The following DLGAP4 variants were observed in gnomAD, a reference collection of about 807,000 sequenced individuals.
DLGAP4 encodes DLG associated protein 4, also known as disks large-associated protein 4.
DLGAP4 carries 18 observed loss-of-function variants against 86.9 expected under a neutral mutation model. That is an observed-to-expected ratio of 0.21 (90% confidence interval 0.14 to 0.31). The LOEUF (loss-of-function observed/expected upper bound fraction) is 0.31, where lower values mean the gene tolerates loss of function less well. Ranked by LOEUF, DLGAP4 falls within the 10% of genes least tolerant of loss-of-function variation. The pLI, the probability that DLGAP4 is intolerant of heterozygous loss-of-function variation, is 1.00. For synonymous variants in DLGAP4, 548 were observed against 574.3 expected (o/e 0.95, Z 0.65); for missense variants, 1,085 against 1,362.6 (o/e 0.80, Z 3.21).
At chr20:36,422,209 T>A (rs2032849918) in intron 2 of DLGAP4, among the ~76,000 whole-genome samples, 1 of 152,138 alleles carries the variant, frequency 6.6e-6, no homozygotes. Context: ...AGGCAGAGAA[T>A]GTGTCCTCCA....
In DLGAP4 at chr20:36,409,961, G is replaced by A. The variant is rs1235249690; in HGVS notation, c.-72-21685G>A. Among the ~76,000 whole-genome samples the A allele has an allele frequency of 2.0e-5, 3 of 150,924 alleles. No individual in the cohort carries two copies. In the South Asian group the frequency reaches 6.3e-4, roughly 32 times the overall value. On this transcript the variant is annotated intron_variant, in intron 2 of 12. Coordinates refer to ENST00000339266, the MANE Select transcript of DLGAP4 (RefSeq NM_001365621.2). ...AGGCAGGAGAATGGCATGAACCCGG[G>A]AGGCGGAGCTTGCAGTGAGCCGAGA... is the stretch of plus-strand genomic sequence containing the variant.
rs2037824203 is a variant in DLGAP4 at position 36,527,206 on chromosome 20, C to T, written c.*175C>T. Reference sequence around the variant, plus strand: ...TTTGGCTTTTTTGGGTCCCTCCCAGCTTTAGGTTATGAAGATTTTACTCAC... The same window carrying T: ...TTTGGCTTTTTTGGGTCCCTCCCAGTTTTAGGTTATGAAGATTTTACTCAC... On this transcript the variant is annotated 3_prime_UTR_variant, in exon 13 of 13. Transcript: ENST00000339266. 3.7e-6 allele frequency: 2 copies of T among 536,734 alleles called. No individual in the cohort carries two copies. The highest frequency in any genetic ancestry group is 7.3e-5 in the Admixed American group (2 of 27,544). The allele number at this position is 536,734 out of a possible 1,614,324, so 33.2% of individuals were successfully genotyped here.
chr20:36,329,713 A>T (rs879967436), intron 1 of DLGAP4, among the ~76,000 whole-genome samples: 4 of 152,144 alleles, frequency 2.6e-5, no homozygotes, highest in Non-Finnish European at 5.9e-5. Flanking sequence ...CCTGGCCAAC[A>T]TGGTGAAACC....
intron 8 of DLGAP4, chr20:36,497,683 C>T (rs1362646429): frequency 3.2e-5 from 31 of 978,294 alleles, no homozygotes; most frequent in African/African-American, 1.8e-5. Flanking sequence ...GGATAGGGTC[C>T]AGGCGATGGT....
intron 1 of DLGAP4, among the ~76,000 whole-genome samples, chr20:36,334,030 G>A (rs2065296488): frequency 6.6e-6 from 1 of 152,330 alleles, no homozygotes; most frequent in Admixed American, 6.5e-5. Flanking sequence ...TGGACAGCAA[G>A]GATGTCGTGT....
At chr20:36,329,121 G>C (rs1298829111) in intron 1 of DLGAP4, among the ~76,000 whole-genome samples, 1 of 152,128 alleles carries the variant, frequency 6.6e-6, no homozygotes, top group Non-Finnish European at 1.5e-5. Context: ...TGTTGGGCAG[G>C]CCGGTCTTGA....
intron 2 of DLGAP4, among the ~76,000 whole-genome samples, chr20:36,411,768 G>GCC (rs1279128172): frequency 2.6e-5 from 4 of 152,118 alleles, no homozygotes; most frequent in Non-Finnish European, 5.9e-5. Context: ...CAAAGCCCAT[G>GCC]CCCACCACAT....
intron 1 of DLGAP4, among the ~76,000 whole-genome samples, chr20:36,314,838 GGT>G (rs1214779804): frequency 7.5e-6 from 1 of 133,646 alleles, no homozygotes; most frequent in Admixed American, 7.4e-5. Context: ...TATGGTGTCT[GGT>G]GTGTGTGCTA....
rs528929025 is a variant in DLGAP4, at chr20:36,464,930, C to T, written c.1648+17993C>T. The stretch of plus-strand genomic sequence containing the variant: ...CCACAAACGCCTGGTTTTAATCAGT[C>T]TCCATCATTCACTGCGTTTGTAATC... On this transcript the variant is annotated intron_variant, in intron 7 of 12. Transcript: ENST00000339266. Among the ~76,000 whole-genome samples, 287 of 152,008 alleles carry T rather than the reference C, an allele frequency of 1.9e-3. 2 individuals carry two copies. Among genetic ancestry groups the T allele is most frequent in the Middle Eastern group, 3.5e-3 (1 of 288 alleles).
intron 10 of DLGAP4, among the ~76,000 whole-genome samples, chr20:36,513,722 C>G (rs183893842): frequency 6.6e-6 from 1 of 152,122 alleles, no homozygotes; most frequent in African/African-American, 2.4e-5. Context: ...GTGGATATAT[C>G]TTGAAGATAG....
intron 2 of DLGAP4, among the ~76,000 whole-genome samples, chr20:36,399,390 T>C (rs566820529): frequency 1.3e-5 from 2 of 152,356 alleles, no homozygotes; most frequent in South Asian, 4.1e-4. Flanking sequence ...ACCCATGCCC[T>C]TGCTCTGCCT....
chr20:36,438,329 G>T (rs767754752), intron 4 of DLGAP4, among the ~76,000 whole-genome samples: 1 of 151,290 alleles, frequency 6.6e-6, no homozygotes, highest in African/African-American at 2.4e-5. Flanking sequence ...AGCTGAGATC[G>T]TGCCACTGCA....
chr20:36,478,738 G>A (rs545185224), intron 7 of DLGAP4, among the ~76,000 whole-genome samples: 2 of 152,308 alleles, frequency 1.3e-5, no homozygotes, highest in African/African-American at 2.4e-5. Context: ...TTGCATTCTG[G>A]AAGTTGAAAC....
At chr20:36,508,483 A>G (rs1026600541) in intron 10 of DLGAP4, among the ~76,000 whole-genome samples, 3 of 142,610 alleles carry the variant, frequency 2.1e-5, no homozygotes, top group East Asian at 2.0e-4. Context: ...CTGGAGTGCA[A>G]TGGCGCGATC....
Position 36,498,963 on chromosome 20 carries a change from A to C in DLGAP4, c.2011-625A>C. 3 of 419,990 alleles carry C rather than the reference A, an allele frequency of 7.1e-6. No individual in the cohort carries two copies. In the East Asian group the frequency reaches 1.4e-4, roughly 20 times the overall value. 26.0% of individuals were successfully genotyped at this position (419,990 alleles called of 1,614,324 possible). Reference sequence around the variant, plus strand: ...TGCTCCCCAGGGCCACCCAGTGCTAAAGGTAACCTCAGCCAAGTGTGAATA... The same window carrying C: ...TGCTCCCCAGGGCCACCCAGTGCTACAGGTAACCTCAGCCAAGTGTGAATA... On this transcript the variant is annotated intron_variant, in intron 8 of 12. Coordinates refer to ENST00000339266, the MANE Select transcript of DLGAP4 (RefSeq NM_001365621.2).
intron 10 of DLGAP4, among the ~76,000 whole-genome samples, chr20:36,520,140 A>C (rs1237865899): frequency 2.6e-5 from 4 of 152,104 alleles, no homozygotes; most frequent in Non-Finnish European, 1.5e-5. Flanking sequence ...CAGTTCCCTG[A>C]TGACTAATGC....
At chr20:36,339,097 T>A in intron 1 of DLGAP4, among the ~76,000 whole-genome samples, 1 of 152,194 alleles carries the variant, frequency 6.6e-6, no homozygotes, top group East Asian at 1.9e-4. Context: ...TGGTGTGCAT[T>A]CATTTTTTTG....
chr20:36,422,665 G>A (rs1387274857), intron 2 of DLGAP4, among the ~76,000 whole-genome samples: 1 of 152,132 alleles, frequency 6.6e-6, no homozygotes. Flanking sequence ...CATGCTCACA[G>A]GCCCACTCTG....
At chr20:36,333,613 G>T (rs1268734619) in intron 1 of DLGAP4, among the ~76,000 whole-genome samples, 1 of 152,178 alleles carries the variant, frequency 6.6e-6, no homozygotes, top group Non-Finnish European at 1.5e-5. Context: ...GCATAGCATG[G>T]GTGAGGATTC....
Sources: gnomAD v4.1 joint callset for allele counts (sites outside exome capture counted in the v4.1 genomes callset) on GRCh38, gnomAD v4.1.1 for gene constraint, MANE v1.5 for transcripts, NCBI Gene and HGNC (gene_info 2026-07-23, HGNC 2026-07-21) for gene names.